RORA: variants seen among roughly 807,000 people sequenced by gnomAD.
RORA encodes the protein nuclear receptor ROR-alpha.
A neutral mutation model predicts 69.5 loss-of-function variants in RORA; 7 were observed. That is an observed-to-expected ratio of 0.10 (90% CI 0.06 to 0.19). RORA has a LOEUF of 0.19. Ranked by LOEUF, RORA falls within the 10% of genes least tolerant of loss-of-function variation. RORA has a pLI of 1.00. For missense variants in RORA, 457 were observed against 663.0 expected (o/e 0.69, Z 3.41); for synonymous variants, 261 against 240.8 (o/e 1.08, Z -0.78).
intron 1 of RORA, among the ~76,000 whole-genome samples, chr15:61,091,400 G>A (rs917167764): frequency 2.0e-5 from 3 of 152,116 alleles, no homozygotes; most frequent in Admixed American, 6.5e-5. Context: ...CAAAATGGGC[G>A]TCCGTAAGCG....
chr15:60,539,155 C>T (rs1271941358), intron 2 of RORA, among the ~76,000 whole-genome samples: 7 of 152,206 alleles, frequency 4.6e-5, no homozygotes, highest in South Asian at 4.2e-4. Context: ...TAAAATACTG[C>T]GCCAGAATGT....
intron 1 of RORA, among the ~76,000 whole-genome samples, chr15:60,961,365 T>C (rs769478750): frequency 2.0e-5 from 3 of 152,180 alleles, no homozygotes; most frequent in Admixed American, 2.0e-4. Flanking sequence ...TATAAAGGCA[T>C]TGCTCCAGCC....
At chr15:60,508,005 T>C (rs1425838374) in intron 5 of RORA, among the ~76,000 whole-genome samples, 1 of 152,232 alleles carries the variant, frequency 6.6e-6, no homozygotes, top group Non-Finnish European at 1.5e-5. Flanking sequence ...GTGGTTGCAT[T>C]CACACCATCT....
intron 1 of RORA, among the ~76,000 whole-genome samples, chr15:61,094,291 C>T (rs1417986464): frequency 3.3e-5 from 5 of 152,176 alleles, no homozygotes; most frequent in Non-Finnish European, 7.3e-5. Context: ...CAGAGATTCA[C>T]CTTCCAGTTT....
chr15:60,520,650 A>G (rs1162695340), intron 3 of RORA, among the ~76,000 whole-genome samples: 1 of 152,116 alleles, frequency 6.6e-6, no homozygotes, highest in African/African-American at 2.4e-5. Context: ...GATGAATTCC[A>G]GGGATTGGAG....
chr15:60,955,243 A>G (rs1893232810), intron 1 of RORA, among the ~76,000 whole-genome samples: 1 of 152,222 alleles, frequency 6.6e-6, no homozygotes, highest in Non-Finnish European at 1.5e-5. Flanking sequence ...TGGAGTTTGC[A>G]GTGAGCCGAG....
chr15:60,923,735 C>T (rs1892119398), intron 1 of RORA, among the ~76,000 whole-genome samples: 1 of 152,212 alleles, frequency 6.6e-6, no homozygotes, highest in Non-Finnish European at 1.5e-5. Flanking sequence ...TTTCCCGTTG[C>T]CCCATACCTT....
intron 2 of RORA, among the ~76,000 whole-genome samples, chr15:60,657,749 T>C (rs1317798773): frequency 6.6e-6 from 1 of 152,236 alleles, no homozygotes; most frequent in Non-Finnish European, 1.5e-5. Context: ...AAAATGAGTT[T>C]ATAAAATCCT....
intron 1 of RORA, among the ~76,000 whole-genome samples, chr15:60,720,869 A>G (rs1203737527): frequency 6.6e-6 from 1 of 152,132 alleles, no homozygotes; most frequent in African/African-American, 2.4e-5. Flanking sequence ...TGAATTTGCC[A>G]TATTTCGACT....
intron 1 of RORA, among the ~76,000 whole-genome samples, chr15:60,915,881 G>A (rs979516464): frequency 6.6e-6 from 1 of 152,222 alleles, no homozygotes; most frequent in Non-Finnish European, 1.5e-5. Flanking sequence ...GCTTCCGCAT[G>A]AATTTGCTGG....
At position 60,531,157 on chromosome 15, in the gene RORA, T is replaced by C. The variant is rs1415049156; in HGVS notation, c.282+609A>G. The C allele has an allele frequency of 1.3e-5, 2 of 152,258 alleles. No homozygotes were observed. Among genetic ancestry groups the C allele is most frequent in the African/African-American group, 2.4e-5 (1 of 41,472 alleles). 9.4% of individuals were successfully genotyped at this position (152,258 alleles called of 1,614,324 possible). On this transcript the variant is annotated intron_variant, in intron 3 of 10. Transcript: ENST00000335670. The surrounding 1 kb of genome is among the most constrained non-coding windows in gnomAD (Gnocchi z 4.8). Reference sequence around the variant, plus strand: ...AGCACTTTTCTGTTTGTAAGGACTTTTTTATGTACAGGTTCTCCTTCTATT... The same window carrying C: ...AGCACTTTTCTGTTTGTAAGGACTTCTTTATGTACAGGTTCTCCTTCTATT...
chr15:60,884,475 G>C (rs980874947), intron 1 of RORA, among the ~76,000 whole-genome samples: 1 of 152,114 alleles, frequency 6.6e-6, no homozygotes, highest in Non-Finnish European at 1.5e-5. Context: ...ACTACTTGTG[G>C]TTATCTGGGT....
chr15:60,786,442 G>A (rs2072335132), intron 1 of RORA, among the ~76,000 whole-genome samples: 1 of 152,242 alleles, frequency 6.6e-6, no homozygotes, highest in Non-Finnish European at 1.5e-5. Flanking sequence ...CACGATGGAA[G>A]CTACTCTCTT....
intron 2 of RORA, among the ~76,000 whole-genome samples, chr15:60,541,995 C>T (rs541457796): frequency 9.8e-5 from 15 of 152,306 alleles, no homozygotes; most frequent in African/African-American, 3.6e-4. Context: ...GTCCTGAAAA[C>T]ACTGCTATCA....
chr15:60,587,040 T>C (rs2068356655), intron 2 of RORA, among the ~76,000 whole-genome samples: 1 of 152,192 alleles, frequency 6.6e-6, no homozygotes, highest in African/African-American at 2.4e-5. Context: ...CACAAAGTCA[T>C]ATTAAAATTA....
At chr15:60,587,601 T>C (rs932423602) in intron 2 of RORA, among the ~76,000 whole-genome samples, 7 of 152,174 alleles carry the variant, frequency 4.6e-5, no homozygotes, top group African/African-American at 1.7e-4. Flanking sequence ...GATGTAAGAG[T>C]GTTTGTAAAC....
At chr15:61,011,739 T>C (rs1313552032) in intron 1 of RORA, among the ~76,000 whole-genome samples, 4 of 152,268 alleles carry the variant, frequency 2.6e-5, no homozygotes, top group Admixed American at 1.3e-4. Flanking sequence ...TTTTGATTTA[T>C]GAGGGTTTAG....
intron 2 of RORA, among the ~76,000 whole-genome samples, chr15:60,593,935 C>G (rs1162456538): frequency 6.6e-6 from 1 of 152,162 alleles, no homozygotes; most frequent in Non-Finnish European, 1.5e-5. Flanking sequence ...CACTCCCTCC[C>G]CAGCCCCCTT....
At chr15:61,069,034 C>T (rs1458364578) in intron 1 of RORA, among the ~76,000 whole-genome samples, 2 of 152,178 alleles carry the variant, frequency 1.3e-5, no homozygotes, top group Non-Finnish European at 1.5e-5. Context: ...GTAATACTGA[C>T]ATCTGAATCT....
Sources: gnomAD v4.1 joint callset for allele counts (sites outside exome capture counted in the v4.1 genomes callset) on GRCh38, gnomAD v4.1.1 for gene constraint, Gnocchi (gnomAD v3.1) non-coding constraint, MANE v1.5 for transcripts, NCBI Gene and HGNC (gene_info 2026-07-23, HGNC 2026-07-21) for gene names.